Variants in FGB observed in about 807,000 individuals in gnomAD.
FGB encodes the protein fibrinogen beta chain.
In FGB, 25 loss-of-function variants were observed where a neutral mutation model predicts 57.9. That is an observed-to-expected ratio of 0.43 (90% CI 0.31 to 0.60). The LOEUF is 0.60. Among genes scored for constraint, FGB ranks in the 20% least tolerant of loss-of-function variants. The pLI is 0.08. For synonymous variants in FGB, 203 were observed against 199.2 expected (o/e 1.02, Z -0.16); for missense variants, 536 against 598.4 (o/e 0.90, Z 1.09).
Position 154,567,789 on chromosome 4 carries a change from C to G in FGB, c.687C>G (p.Val229=). The change falls in exon 4 of 8, where the codon GTC becomes GTG. Residue 229 remains valine (V), a synonymous_variant. Transcript: ENST00000302068. The part of the protein sequence containing the change: ...QMEYCRTPCT[V]SCNIPVVSGK... Reference sequence around the variant, plus strand: ...AATATTGTCGCACCCCATGCACTGTCAGTTGCAATATTCCTGTGGTGTCTG... The same window carrying G: ...AATATTGTCGCACCCCATGCACTGTGAGTTGCAATATTCCTGTGGTGTCTG... The G allele has an allele frequency of 6.2e-7, 1 of 1,613,650 alleles. No homozygotes were observed. The highest frequency in any genetic ancestry group is 1.1e-5 in the South Asian group (1 of 91,058).
chr4:154,564,587 A>G (rs1050435209), intron 1 of FGB, among the ~76,000 whole-genome samples: 2 of 152,142 alleles, frequency 1.3e-5, no homozygotes, highest in Non-Finnish European at 2.9e-5. Context: ...ATCCTACTAA[A>G]TGTTAAATAA....
intron 2 of FGB, 32 bp downstream of exon 2, chr4:154,566,031 C>T (rs1384713337): frequency 1.2e-5 from 19 of 1,595,966 alleles, no homozygotes; most frequent in Non-Finnish European, 1.5e-5. Flanking sequence ...GCAGTGGTGG[C>T]TCTCTCATGC....
At position 154,564,003 on chromosome 4, in the gene FGB, C is replaced by T. The variant is rs530902918; in HGVS notation, c.114+871C>T. Reference sequence around the variant, plus strand: ...GAACTTGAGTGTTGTACTTATCAGACTCTACATGTAAGAACATATAGTTAA... The same window carrying T: ...GAACTTGAGTGTTGTACTTATCAGATTCTACATGTAAGAACATATAGTTAA... On this transcript the variant is annotated intron_variant, in intron 1 of 7. Transcript: ENST00000302068. 2.0e-5 allele frequency among the ~76,000 whole-genome samples: 3 copies of T among 152,034 alleles called. No homozygotes were observed. In the South Asian group the frequency reaches 6.2e-4, roughly 32 times the overall value.
intron 4 of FGB, 26 bp downstream of exon 4, chr4:154,567,846 A>G (rs781320033): frequency 2.0e-6 from 3 of 1,516,618 alleles, no homozygotes; most frequent in Admixed American, 1.7e-5. Context: ...ACATATTTTT[A>G]GAGAGTTCCA....
rs1343637052 is a variant in FGB at position 154,572,135 on chromosome 4, G to T, written c.*1485G>T. Reference sequence around the variant, plus strand: ...CAAATTTTTTAGCTGGAGTAAAAATGGTCCCAGTACCATTTCCTGTTCCCT... The same window carrying T: ...CAAATTTTTTAGCTGGAGTAAAAATTGTCCCAGTACCATTTCCTGTTCCCT... On this transcript the variant is annotated 3_prime_UTR_variant, in exon 8 of 8. Coordinates refer to ENST00000302068, the MANE Select transcript of FGB (RefSeq NM_005141.5). 6.6e-6 allele frequency among the ~76,000 whole-genome samples: 1 copy of T among 152,032 alleles called. No homozygotes were observed. Among genetic ancestry groups the T allele is most frequent in the Non-Finnish European group, 1.5e-5 (1 of 68,022 alleles).
chr4:154,566,667 T>C lies in FGB; in HGVS notation c.485T>C (p.Val162Ala), dbSNP rs754492004. ...KDLWQKRQKQ[V>A]KDNENVVNEY... is the part of the protein sequence containing the mutation. ...CTGTGGCAAAAGAGGCAGAAGCAAG[T>C]AAAAGGTAGATATCCTTGTGCTTTC... is the stretch of plus-strand genomic sequence containing the variant. The change falls in exon 3 of 8, where the codon GTA (valine) becomes GCA (alanine). Residue 162 changes from valine (V) to alanine (A), a missense_variant. Around this residue, in one of 3 missense-constraint regions of FGB, gnomAD observed 354 missense variants for 383.4 expected, o/e 0.92. Transcript: ENST00000302068. 6.2e-7 allele frequency: 1 copy of C among 1,613,958 alleles called. No individual in the cohort carries two copies. Among genetic ancestry groups the C allele is most frequent in the South Asian group, 1.1e-5 (1 of 91,082 alleles).
intron 1 of FGB, 27 bp downstream of exon 1, chr4:154,563,159 T>C: frequency 3.4e-6 from 3 of 884,870 alleles, no homozygotes; most frequent in East Asian, 2.7e-5. Context: ...ATTATTATAT[T>C]ATTAGTAGTA....
At position 154,563,120 on chromosome 4, in the gene FGB, C is replaced by T. The variant is rs780849917; in HGVS notation, c.102C>T (p.Asn34=). The part of the protein sequence containing the change: ...CVFLVKSQGV[N]DNEEGFFSAR... ...TTCTAGTTAAGTCCCAAGGTGTCAACGACAATGAGGAGGTGAATTTTTTAA... is the reference window on the plus strand; with the variant it reads ...TTCTAGTTAAGTCCCAAGGTGTCAATGACAATGAGGAGGTGAATTTTTTAA... Residue 34 remains asparagine (N), a synonymous_variant, in exon 1 of 8, where the codon AAC becomes AAT. Coordinates refer to ENST00000302068, the MANE Select transcript of FGB (RefSeq NM_005141.5). 1.0e-5 allele frequency: 15 copies of T among 1,499,314 alleles called. No homozygotes were observed. Among genetic ancestry groups the T allele is most frequent in the Middle Eastern group, 1.8e-4 (1 of 5,470 alleles). 92.9% of individuals were successfully genotyped at this position (1,499,314 alleles called of 1,614,324 possible). A position where few individuals can be genotyped will look rare whatever the true frequency, so the allele number is the denominator to read the frequency against.
In FGB at chr4:154,566,477, C is replaced by G; in HGVS notation, c.307-12C>G. ...TCCTTCATCTAATGCCTGCTATTTT[C>G]TTTGTTTTTAGGGGGTGTTGTGTCC... On this transcript the variant is annotated splice_polypyrimidine_tract_variant and intron_variant, in intron 2 of 7. Transcript: ENST00000302068. The G allele has an allele frequency of 6.2e-7, 1 of 1,613,646 alleles. No homozygotes were observed.
rs1730385006 is a variant in FGB at position 154,570,648 on chromosome 4, TA to T, written c.1475del (p.Ter492CysfsTer38). The stretch of plus-strand genomic sequence containing the variant: ...GATCAGGCCCTTCTTCCCACAGCAA[TA>T]GTCCCCAATACGTAGATTTTTGCTC... ...MKIRPFFPQQ[*>X] On this transcript the variant is annotated frameshift_variant and stop_lost, in exon 8 of 8. Coordinates refer to ENST00000302068, the MANE Select transcript of FGB (RefSeq NM_005141.5). LOFTEE classifies it high-confidence loss of function. 1 of 1,608,722 alleles carries T rather than the reference TA, an allele frequency of 6.2e-7. No homozygotes were observed. Among genetic ancestry groups the T allele is most frequent in the Non-Finnish European group, 8.5e-7 (1 of 1,175,288 alleles).
intron 1 of FGB, among the ~76,000 whole-genome samples, chr4:154,564,861 A>G (rs1730090853): frequency 6.6e-6 from 1 of 152,184 alleles, no homozygotes; most frequent in South Asian, 2.1e-4. Context: ...TTAAGTTAGC[A>G]AGTAATTTTA....
In FGB at chr4:154,570,894, T is replaced by G. The variant is rs574115053; in HGVS notation, c.*244T>G. ...TTTTGACAGAGTTGGTGTTCATAAT[T>G]TCAGTTCTAGTTGATTGCGAGAATT... On this transcript the variant is annotated 3_prime_UTR_variant, in exon 8 of 8. Transcript: ENST00000302068. 1.9e-6 allele frequency: 1 copy of G among 530,746 alleles called. No homozygotes were observed. The highest frequency in any genetic ancestry group is 1.9e-5 in the African/African-American group (1 of 52,438). 32.9% of individuals were successfully genotyped at this position (530,746 alleles called of 1,614,324 possible). A position where few individuals can be genotyped will look rare whatever the true frequency, so the allele number is the denominator to read the frequency against.
rs1361633528 is a variant in FGB at position 154,563,950 on chromosome 4, C to G, written c.114+818C>G. 2.6e-5 allele frequency among the ~76,000 whole-genome samples: 4 copies of G among 151,962 alleles called. No individual in the cohort carries two copies. In the East Asian group the frequency reaches 7.7e-4, roughly 29 times the overall value. ...ACAATAATATTTAAATGAAGTGATT[C>G]ATTTCGGATCATTATTGAGTTTCAA... On this transcript the variant is annotated intron_variant, in intron 1 of 7. Transcript: ENST00000302068.
chr4:154,565,966 T>C lies in FGB; in HGVS notation c.273T>C (p.Asp91=). ...TQKKVERKAP[D]AGGCLHADPD... ...AGAAAGTAGAAAGAAAAGCCCCTGA[T>C]GCTGGAGGCTGTCTTCACGCTGACC... Residue 91 remains aspartate (D), a synonymous_variant, in exon 2 of 8, where the codon GAT becomes GAC. Coordinates refer to ENST00000302068, the MANE Select transcript of FGB (RefSeq NM_005141.5). 2 of 1,613,858 alleles carry C rather than the reference T, an allele frequency of 1.2e-6. No homozygotes were observed. Among genetic ancestry groups the C allele is most frequent in the Non-Finnish European group, 1.7e-6 (2 of 1,179,996 alleles).
rs775981072 is a variant in FGB, at chr4:154,569,205, C to T, written c.856C>T (p.Gln286Ter). ...AGGATGGACAGTGATTCAGAACCGT[C>T]AAGACGGTAGTGTTGACTTTGGCAG... ...NGGWTVIQNR[Q>*]DGSVDFGRKW... The change falls in exon 6 of 8, where the codon CAA becomes TAA. Residue 286 changes from glutamine (Q) to a stop codon, truncating the protein, a stop_gained. Transcript: ENST00000302068. LOFTEE classifies it high-confidence loss of function. The T allele has an allele frequency of 6.2e-7, 1 of 1,614,110 alleles. No individual in the cohort carries two copies. Among genetic ancestry groups the T allele is most frequent in the Non-Finnish European group, 8.5e-7 (1 of 1,179,988 alleles).
chr4:154,563,383 T>A (rs1340922873), intron 1 of FGB, among the ~76,000 whole-genome samples: 1 of 151,928 alleles, frequency 6.6e-6, no homozygotes, highest in East Asian at 1.9e-4. Context: ...ATGTAAGATG[T>A]GTTTTTCTCA....
In FGB at chr4:154,565,800, C is replaced by T. The variant is rs1416834046; in HGVS notation, c.115-8C>T. 6.2e-7 allele frequency: 1 copy of T among 1,613,752 alleles called. No homozygotes were observed. Among genetic ancestry groups the T allele is most frequent in the South Asian group, 1.1e-5 (1 of 91,060 alleles). On this transcript the variant is annotated splice_region_variant and splice_polypyrimidine_tract_variant and intron_variant, in intron 1 of 7. Coordinates refer to ENST00000302068, the MANE Select transcript of FGB (RefSeq NM_005141.5). ...CTCTGTATTATATTTCTGCCTCATT[C>T]CTTGTAGGGTTTCTTCAGTGCCCGT...
intron 5 of FGB, among the ~76,000 whole-genome samples, chr4:154,568,707 A>C (rs1730282039): frequency 6.6e-6 from 1 of 151,576 alleles, no homozygotes; most frequent in African/African-American, 2.4e-5. Context: ...TACCAAAAAA[A>C]AAAAAAAATC....
rs1312771346 is a variant in FGB, at chr4:154,572,001, A to C, written c.*1351A>C. Among the ~76,000 whole-genome samples, 1 of 152,192 alleles carries C rather than the reference A, an allele frequency of 6.6e-6. No individual in the cohort carries two copies. The highest frequency in any genetic ancestry group is 1.5e-5 in the Non-Finnish European group (1 of 68,042). On this transcript the variant is annotated 3_prime_UTR_variant, in exon 8 of 8. Coordinates refer to ENST00000302068, the MANE Select transcript of FGB (RefSeq NM_005141.5). ...TCTGCCACAAGTTCTGTCCCACTGG[A>C]GCCCATACTCACCTACCGCTTTGCC... is the stretch of plus-strand genomic sequence containing the variant.
Sources: allele counts gnomAD v4.1 joint callset (sites outside exome capture counted in the v4.1 genomes callset), GRCh38; gene constraint gnomAD v4.1.1; regional missense constraint gnomAD v4.1.1; transcripts MANE v1.5; gene names NCBI Gene and HGNC (gene_info 2026-07-23, HGNC 2026-07-21).